EML1: variants seen among roughly 807,000 people sequenced by gnomAD.
The protein encoded by EML1 is EMAP like 1, also known as echinoderm microtubule-associated protein-like 1.
A neutral mutation model predicts 110.4 loss-of-function variants in EML1; 27 were observed. The ratio of observed to expected loss-of-function variants is 0.24; its 90% CI spans 0.18 to 0.34. The LOEUF is 0.34. EML1 is among the 10% of genes least tolerant of loss of function. The pLI is 1.00. For synonymous variants in EML1, 344 were observed against 385.8 expected, an observed-to-expected ratio of 0.89 and a Z score of 1.27; for missense variants, 741 against 1,030.9, an observed-to-expected ratio of 0.72 and a Z score of 3.85.
chr14:99,914,467 T>G (rs1244840682), intron 14 of EML1, 99 bp from the exon 15 acceptor site: 1 of 1,533,320 alleles, frequency 6.5e-7, no homozygotes, highest in African/African-American at 1.4e-5. Flanking sequence ...TGAGAGCAGT[T>G]ATGAAGTCAG....
At chr14:99,895,408 G>A (rs1221229578) in intron 6 of EML1, among the ~76,000 whole-genome samples, 1 of 152,102 alleles carries the variant, frequency 6.6e-6, no homozygotes, top group Non-Finnish European at 1.5e-5. Flanking sequence ...CATATACTTA[G>A]TCAACTCTTC....
At chr14:99,743,078 G>A (rs1488585653) in intron 1 of EML1, among the ~76,000 whole-genome samples, 1 of 152,240 alleles carries the variant, frequency 6.6e-6, no homozygotes, top group South Asian at 2.1e-4. Context: ...CCCTCACGGC[G>A]CCCCTACGTT....
intron 1 of EML1, among the ~76,000 whole-genome samples, chr14:99,776,196 G>A (rs541875939): frequency 6.6e-6 from 1 of 152,242 alleles, no homozygotes; most frequent in South Asian, 2.1e-4. Context: ...ATAAATGGAG[G>A]AAATATAAAA....
At chr14:99,791,907 C>T (rs1241972878), upstream of EML1, among the ~76,000 whole-genome samples, 1 of 152,212 alleles carries the variant, frequency 6.6e-6, no homozygotes, top group South Asian at 2.1e-4. Context: ...CTGCAGGCAC[C>T]GTTCCTTCTT....
rs754687757 is a variant in EML1 at position 99,910,355 on chromosome 14, G to T, written c.1339+14G>T. On this transcript the variant is annotated intron_variant, in intron 12 of 21. Coordinates refer to ENST00000262233, the MANE Select transcript of EML1 (RefSeq NM_004434.3). ...TATGGGGAAAAGGTAATAAGTGATT[G>T]TTCCCAAAACCAATGGTTTTTGGTA... The T allele has an allele frequency of 2.5e-6, 4 of 1,594,300 alleles. No homozygotes were observed. The highest frequency in any genetic ancestry group is 2.6e-6 in the Non-Finnish European group (3 of 1,167,080).
upstream of EML1, among the ~76,000 whole-genome samples, chr14:99,769,260 T>C (rs10135242): frequency 0.1 from 15,378 of 152,236 alleles, 1,300 homozygotes; most frequent in African/African-American, 0.23. Context: ...CCAGCGGTTT[T>C]GCAGCAGGTG....
intron 4 of EML1, among the ~76,000 whole-genome samples, chr14:99,884,402 A>G (rs1304842042): frequency 6.6e-6 from 1 of 152,220 alleles, no homozygotes; most frequent in Admixed American, 6.5e-5. Context: ...CCTGCTGTGT[A>G]CAGAACGTAG....
chr14:99,929,789 C>T (rs543852539), intron 17 of EML1, among the ~76,000 whole-genome samples: 1 of 152,292 alleles, frequency 6.6e-6, no homozygotes, highest in South Asian at 2.1e-4. Context: ...GCCAAGATCC[C>T]GGCCGAGATC....
chr14:99,783,220 C>A (rs1166982797), intron 1 of EML1, among the ~76,000 whole-genome samples: 2 of 147,426 alleles, frequency 1.4e-5, no homozygotes, highest in African/African-American at 5.0e-5. Context: ...CAATTCCCAC[C>A]TATGAGAGAG....
intron 1 of EML1, among the ~76,000 whole-genome samples, chr14:99,746,617 C>T (rs1392323577): frequency 2.0e-5 from 3 of 152,124 alleles, no homozygotes; most frequent in African/African-American, 7.2e-5. Context: ...GTTTCCTGCT[C>T]GCCCGGGGAC....
Position 99,937,804 on chromosome 14 carries a change from T to A in EML1, c.2096-13T>A. On this transcript the variant is annotated splice_polypyrimidine_tract_variant and intron_variant, in intron 19 of 21. Coordinates refer to ENST00000262233, the MANE Select transcript of EML1 (RefSeq NM_004434.3). ...CTTGGCTTAGATGTTGCCAGACTGT[T>A]TGCTTTTTGCAGGGGTTCCCTCTGC... The A allele has an allele frequency of 6.2e-7, 1 of 1,613,308 alleles. No individual in the cohort carries two copies. The highest frequency in any genetic ancestry group is 8.5e-7 in the Non-Finnish European group (1 of 1,179,400).
intron 1 of EML1, among the ~76,000 whole-genome samples, chr14:99,830,099 A>C (rs2058424136): frequency 6.6e-6 from 1 of 152,218 alleles, no homozygotes; most frequent in Non-Finnish European, 1.5e-5. Flanking sequence ...GTACCATTTT[A>C]CATTCCTACC....
intron 2 of EML1, among the ~76,000 whole-genome samples, chr14:99,859,573 C>G (rs1159441082): frequency 6.6e-6 from 1 of 152,196 alleles, no homozygotes; most frequent in African/African-American, 2.4e-5. Context: ...CCTGTGGACA[C>G]CTGGCTAGGT....
chr14:99,888,389 T>C (rs1182513110), intron 4 of EML1, among the ~76,000 whole-genome samples: 1 of 152,218 alleles, frequency 6.6e-6, no homozygotes, highest in Non-Finnish European at 1.5e-5. Flanking sequence ...ATTTCTGTGT[T>C]CATAGCTTTT....
intron 17 of EML1, among the ~76,000 whole-genome samples, chr14:99,921,953 CA>C (rs767952352): frequency 6.6e-6 from 1 of 152,100 alleles, no homozygotes; most frequent in Non-Finnish European, 1.5e-5. Flanking sequence ...TTTCTGTTTC[CA>C]AAAATTGCTT....
rs2060573962 is a variant in EML1 at position 99,940,703 on chromosome 14, C to T, written c.*591C>T. Reference sequence around the variant, plus strand: ...AGAGAGGGCTTGTATCCCTCTTGTGCTAAGCAGACTCTACTCCTAACTGAC... The same window carrying T: ...AGAGAGGGCTTGTATCCCTCTTGTGTTAAGCAGACTCTACTCCTAACTGAC... On this transcript the variant is annotated 3_prime_UTR_variant, in exon 22 of 22. Transcript: ENST00000262233. The T allele has an allele frequency of 6.6e-6, 1 of 152,250 alleles. No individual in the cohort carries two copies. The allele number at this position is 152,250 out of a possible 1,614,324, so 9.4% of individuals were successfully genotyped here. A position where few individuals can be genotyped will look rare whatever the true frequency, so the allele number is the denominator to read the frequency against.
intron 1 of EML1, among the ~76,000 whole-genome samples, chr14:99,829,324 C>G (rs903921217): frequency 6.6e-6 from 1 of 152,182 alleles, no homozygotes; most frequent in Admixed American, 6.5e-5. Flanking sequence ...GTGACAGCAT[C>G]TGTCCCTCAC....
intron 10 of EML1, 119 bp from the exon 11 acceptor site, chr14:99,909,226 G>C: frequency 7.0e-7 from 1 of 1,437,702 alleles, no homozygotes; most frequent in Non-Finnish European, 9.8e-7. Context: ...GGAAATAATA[G>C]GCATTGTGCT....
intron 1 of EML1, among the ~76,000 whole-genome samples, chr14:99,810,346 C>T (rs1443740836): frequency 1.3e-5 from 2 of 152,190 alleles, no homozygotes; most frequent in African/African-American, 2.4e-5. Context: ...CATAAGAAGA[C>T]CTGTGCTTGG....
Sources: allele counts gnomAD v4.1 joint callset (sites outside exome capture counted in the v4.1 genomes callset), GRCh38; gene constraint gnomAD v4.1.1; transcripts MANE v1.5; gene names NCBI Gene and HGNC (gene_info 2026-07-23, HGNC 2026-07-21).